Variants in CABIN1 observed in about 807,000 individuals in gnomAD.
The protein encoded by CABIN1 is calcineurin-binding protein cabin-1.
CABIN1 carries 133 observed loss-of-function variants against 227.7 expected under a neutral mutation model. The ratio of observed to expected loss-of-function variants is 0.58; its 90% CI spans 0.51 to 0.67. The LOEUF (loss-of-function observed/expected upper bound fraction) is 0.67. Ranked by LOEUF, CABIN1 falls within the 30% of genes least tolerant of loss-of-function variation. The probability of loss-of-function intolerance (pLI) is 0.00; values close to 1 mark genes in which losing one functional copy is unlikely to be tolerated. For synonymous variants in CABIN1, 1,086 were observed against 1,155.1 expected, an observed-to-expected ratio of 0.94 and a Z score of 1.21; for missense variants, 2,408 against 2,852.5, an observed-to-expected ratio of 0.84 and a Z score of 3.55.
At chr22:24,132,445 GGGTGGAGTGCAGA>G (rs1402500365) in intron 28 of CABIN1, among the ~76,000 whole-genome samples, 1 of 152,216 alleles carries the variant, frequency 6.6e-6, no homozygotes, top group Non-Finnish European at 1.5e-5. Context: ...GGATAGGGTG[GGGTGGAGTGCAGA>G]GGTGGGAAGC....
intron 1 of CABIN1, among the ~76,000 whole-genome samples, chr22:24,016,087 T>C (rs986016537): frequency 2.6e-5 from 4 of 152,250 alleles, no homozygotes. Context: ...TCGCAATACA[T>C]TTTAGAACAT....
At chr22:24,029,636 C>T (rs2036350711) in intron 1 of CABIN1, among the ~76,000 whole-genome samples, 1 of 151,970 alleles carries the variant, frequency 6.6e-6, no homozygotes, top group Non-Finnish European at 1.5e-5. Flanking sequence ...CCCAATGTGT[C>T]CATTATTCTG....
intron 19 of CABIN1, among the ~76,000 whole-genome samples, chr22:24,078,433 G>A (rs1195565220): frequency 6.6e-6 from 1 of 152,182 alleles, no homozygotes; most frequent in East Asian, 1.9e-4. Flanking sequence ...ACCTCTTCTT[G>A]CCCCAGGCTC....
chr22:24,073,007 A>G (rs1322385564), intron 18 of CABIN1, among the ~76,000 whole-genome samples: 1 of 152,204 alleles, frequency 6.6e-6, no homozygotes, highest in Non-Finnish European at 1.5e-5. Flanking sequence ...TCAGAAGGTT[A>G]TTCTGAGGAT....
intron 1 of CABIN1, among the ~76,000 whole-genome samples, chr22:24,015,936 C>T (rs1406918188): frequency 2.6e-5 from 4 of 152,176 alleles, no homozygotes; most frequent in South Asian, 4.2e-4. Flanking sequence ...CCAGCCAGGG[C>T]GACAGGGCGA....
intron 28 of CABIN1, among the ~76,000 whole-genome samples, chr22:24,125,837 G>C (rs1480002160): frequency 6.6e-6 from 1 of 152,202 alleles, no homozygotes; most frequent in South Asian, 2.1e-4. Flanking sequence ...TCTGAACTTA[G>C]GAATCTTGAT....
At chr22:24,055,405 C>T (rs892572362) in intron 9 of CABIN1, among the ~76,000 whole-genome samples, 2 of 152,242 alleles carry the variant, frequency 1.3e-5, no homozygotes, top group Non-Finnish European at 2.9e-5. Flanking sequence ...GGATGCAGCT[C>T]CTGGTCCTTG....
intron 6 of CABIN1, among the ~76,000 whole-genome samples, chr22:24,047,492 A>G (rs995201393): frequency 2.0e-5 from 3 of 152,218 alleles, no homozygotes; most frequent in African/African-American, 7.2e-5. Context: ...TTCAGGTTTC[A>G]TGTGGTCTCA....
At chr22:24,146,304 G>C (rs763490356) in intron 29 of CABIN1, among the ~76,000 whole-genome samples, 1 of 152,196 alleles carries the variant, frequency 6.6e-6, no homozygotes, top group African/African-American at 2.4e-5. Context: ...GTTTTTAAGA[G>C]TCTTAAAAGA....
rs201364923 is a variant in CABIN1 at position 24,166,993 on chromosome 22, C to T, written c.5362C>T (p.Arg1788Trp). 3.4e-5 allele frequency: 53 copies of T among 1,570,932 alleles called. No individual in the cohort carries two copies. Among genetic ancestry groups the T allele is most frequent in the African/African-American group, 6.8e-5 (5 of 73,838 alleles). The stretch of plus-strand genomic sequence containing the variant: ...GCTGCCAGGTCGCCCCGCAAGGGAC[C>T]GGGGCCCCGAGAGCCGGCCCACTGA... ...PLLPGRPARD[R>W]GPESRPTELS... The change falls in exon 32 of 37, where the codon CGG (arginine) becomes TGG (tryptophan). Residue 1788 changes from arginine to tryptophan, a missense_variant. Physicochemically the swap from Arg to Trp is moderately radical, Grantham distance 101. Transcript: ENST00000263119.
At chr22:24,015,812 G>T (rs2035235182) in intron 1 of CABIN1, among the ~76,000 whole-genome samples, 1 of 152,024 alleles carries the variant, frequency 6.6e-6, no homozygotes, top group Non-Finnish European at 1.5e-5. Flanking sequence ...AAAAAAATTA[G>T]CTGGGCATGG....
rs536668703 is a variant in CABIN1 at position 24,041,247 on chromosome 22, G to T, written c.319G>T (p.Glu107Ter). The change falls in exon 5 of 37, where the codon GAG becomes TAG. Residue 107 changes from glutamate (E) to a stop codon, truncating the protein, a stop_gained. Transcript: ENST00000263119. LOFTEE classifies it high-confidence loss of function. ...GCTGGCAGCCCAGCGGGAGGATCTG[G>T]AGACAGCCATGGAGTTCTACTTAGA... ...AQLAAQREDL[E>*]TAMEFYLEAV... 6.2e-7 allele frequency: 1 copy of T among 1,614,190 alleles called. No homozygotes were observed. Among genetic ancestry groups the T allele is most frequent in the Non-Finnish European group, 8.5e-7 (1 of 1,180,020 alleles).
intron 1 of CABIN1, among the ~76,000 whole-genome samples, chr22:24,027,412 G>A (rs1016160152): frequency 1.3e-5 from 2 of 152,212 alleles, no homozygotes; most frequent in Non-Finnish European, 2.9e-5. Flanking sequence ...GTATATTGTG[G>A]AATAGGACAG....
intron 28 of CABIN1, among the ~76,000 whole-genome samples, chr22:24,119,997 C>T (rs780157557): frequency 6.6e-6 from 1 of 152,184 alleles, no homozygotes; most frequent in African/African-American, 2.4e-5. Flanking sequence ...ACTACTCTTT[C>T]CTGTGAGGGC....
At chr22:24,159,770 C>A (rs1228073189) in intron 29 of CABIN1, among the ~76,000 whole-genome samples, 1 of 152,174 alleles carries the variant, frequency 6.6e-6, no homozygotes, top group African/African-American at 2.4e-5. Context: ...CCATTTCCTG[C>A]AACATTGCCC....
intron 29 of CABIN1, among the ~76,000 whole-genome samples, chr22:24,143,245 C>T (rs1227721440): frequency 6.6e-6 from 1 of 152,146 alleles, no homozygotes; most frequent in Non-Finnish European, 1.5e-5. Flanking sequence ...GCCCAGCTGT[C>T]CTAGACAGGA....
intron 8 of CABIN1, among the ~76,000 whole-genome samples, chr22:24,052,061 C>T (rs2038376166): frequency 6.6e-6 from 1 of 152,120 alleles, no homozygotes; most frequent in African/African-American, 2.4e-5. Context: ...GTGTGCTCCC[C>T]AACTACAGAG....
At chr22:24,016,757 G>A (rs1213897109) in intron 1 of CABIN1, among the ~76,000 whole-genome samples, 2 of 152,232 alleles carry the variant, frequency 1.3e-5, no homozygotes, top group Non-Finnish European at 2.9e-5. Context: ...ATTTCCAACA[G>A]TGTATGAGAA....
intron 34 of CABIN1, 93 bp downstream of exon 34, chr22:24,172,088 AGCAGT>A: frequency 6.9e-7 from 1 of 1,442,936 alleles, no homozygotes; most frequent in Non-Finnish European, 9.4e-7. Flanking sequence ...AAGGGAGGCA[AGCAGT>A]GCCCTCCCGC....
Sources: gnomAD v4.1 joint callset for allele counts (sites outside exome capture counted in the v4.1 genomes callset) on GRCh38, gnomAD v4.1.1 for gene constraint, MANE v1.5 for transcripts, NCBI Gene and HGNC (gene_info 2026-07-23, HGNC 2026-07-21) for gene names.